PTCHD4: variants seen among roughly 807,000 people sequenced by gnomAD.
PTCHD4 encodes the protein patched domain-containing protein 4.
PTCHD4 carries 33 observed loss-of-function variants against 58.1 expected under a neutral mutation model. The observed-to-expected ratio is 0.57, with a 90% CI of 0.43 to 0.76. PTCHD4 has a LOEUF of 0.76. Among genes scored for constraint, PTCHD4 ranks in the 30% least tolerant of loss-of-function variants. PTCHD4 has a pLI of 0.00. For synonymous variants in PTCHD4, 478 were observed against 409.6 expected (o/e 1.17, Z -2.02); for missense variants, 1,058 against 1,027.1 (o/e 1.03, Z -0.41).
Position 47,868,143 on chromosome 6 carries a change from C to A in PTCHD4, c.*10160G>T, listed in dbSNP as rs1322550820. On this transcript the variant is annotated 3_prime_UTR_variant, in exon 5 of 5. Transcript: ENST00000339488. ...AGGTTTCAGTTCAGTTGTTTAGTCC[C>A]TTCTTCAACAGTTTTAGATCCGTTT... Among the ~76,000 whole-genome samples the A allele has an allele frequency of 6.6e-6, 1 of 151,654 alleles. No homozygotes were observed. Among genetic ancestry groups the A allele is most frequent in the East Asian group, 1.9e-4 (1 of 5,146 alleles).
Position 47,879,040 on chromosome 6 carries a change from T to C in PTCHD4, c.1795A>G (p.Asn599Asp), listed in dbSNP as rs554562647. 3 of 1,613,586 alleles carry C rather than the reference T, an allele frequency of 1.9e-6. No homozygotes were observed. The highest frequency in any genetic ancestry group is 2.5e-6 in the Non-Finnish European group (3 of 1,179,764). Reference sequence around the variant, plus strand: ...AGATACAAGCGAGAAGCAATGATATTGCTTTCATCCCCTGCCTTGGAGAAG... The same window carrying C: ...AGATACAAGCGAGAAGCAATGATATCGCTTTCATCCCCTGCCTTGGAGAAG... ...IIFSKAGDESNIIASRLYLVA... is the reference protein window; with the variant it reads ...IIFSKAGDESDIIASRLYLVA... The change falls in exon 5 of 5, where the codon AAT becomes GAT. Residue 599 changes from asparagine (N) to aspartate (D), a missense_variant. By Grantham distance (23) the Asn-to-Asp change is conservative. Transcript: ENST00000339488.
intron 4 of PTCHD4, among the ~76,000 whole-genome samples, chr6:47,898,744 C>G (rs1764603139): frequency 6.6e-6 from 1 of 151,756 alleles, no homozygotes; most frequent in Non-Finnish European, 1.5e-5. Flanking sequence ...CAGAGAGACA[C>G]GAATCCCTTG....
rs142124548 is a variant in PTCHD4, at chr6:47,887,987, G to A, written c.899-8051C>T. Among the ~76,000 whole-genome samples the A allele has an allele frequency of 1.2e-4, 19 of 152,236 alleles. No homozygotes were observed. The East Asian group carries it at 3.7e-3, about 29-fold the overall frequency. ...ATGTTGTTCAATGAGGGAGGGCCTC[G>A]CTTTATCTTGTCCTTAAGCAAGAAG... On this transcript the variant is annotated intron_variant, in intron 4 of 4. Transcript: ENST00000339488.
Position 47,866,551 on chromosome 6 carries a change from TC to T in PTCHD4, c.*11751del, listed in dbSNP as rs1176799671. Among the ~76,000 whole-genome samples the T allele has an allele frequency of 6.6e-6, 1 of 151,834 alleles. No individual in the cohort carries two copies. Among genetic ancestry groups the T allele is most frequent in the Non-Finnish European group, 1.5e-5 (1 of 67,866 alleles). On this transcript the variant is annotated 3_prime_UTR_variant, in exon 5 of 5. Transcript: ENST00000339488. The stretch of plus-strand genomic sequence containing the variant: ...TCCATTCTACTTCTGTGAACAGATG[TC>T]CTCCTCGTGAACCAGTTGGAAAATG...
At chr6:47,903,969 T>C (rs1234200182) in intron 4 of PTCHD4, among the ~76,000 whole-genome samples, 1 of 152,056 alleles carries the variant, frequency 6.6e-6, no homozygotes, top group Non-Finnish European at 1.5e-5. Context: ...AGGAGAAGCA[T>C]ATTCCTGATA....
intron 4 of PTCHD4, among the ~76,000 whole-genome samples, chr6:47,957,577 T>A (rs1376162479): frequency 1.3e-5 from 2 of 150,484 alleles, no homozygotes; most frequent in Non-Finnish European, 3.0e-5. Context: ...AGACAAGTTT[T>A]TTTTTTTATT....
At position 48,107,182 on chromosome 6, in the gene PTCHD4, G is replaced by A. The variant is rs1254104020; in HGVS notation, c.-970+3867C>T. 7.2e-5 allele frequency among the ~76,000 whole-genome samples: 11 copies of A among 152,216 alleles called. No homozygotes were observed. The South Asian group carries it at 8.3e-4, about 12-fold the overall frequency. ...AAAAGAACAAAGCTGGAGGCATCAT[G>A]CTACCTGACTTCAAACTATACTACA... On this transcript the variant is annotated intron_variant, in intron 1 of 4. Coordinates refer to ENST00000339488, the MANE Select transcript of PTCHD4 (RefSeq NM_001384253.1).
At chr6:47,950,315 G>A (rs764301412) in intron 4 of PTCHD4, among the ~76,000 whole-genome samples, 1 of 152,088 alleles carries the variant, frequency 6.6e-6, no homozygotes, top group African/African-American at 2.4e-5. Context: ...GAAAATATAA[G>A]CTGGGTGGGA....
At chr6:48,091,150 TATATG>T (rs1200023515) in intron 1 of PTCHD4, among the ~76,000 whole-genome samples, 1 of 152,112 alleles carries the variant, frequency 6.6e-6, no homozygotes, top group African/African-American at 2.4e-5. Flanking sequence ...CAAAAATCAT[TATATG>T]TTAGTATGCA....
At position 47,877,574 on chromosome 6, in the gene PTCHD4, C is replaced by G. The variant is rs1763881098; in HGVS notation, c.*729G>C. ...TGCATAATCTAATGAACTCACATCT[C>G]TGTTTATTTTGCTCATCCCACAGTT... On this transcript the variant is annotated 3_prime_UTR_variant, in exon 5 of 5. Transcript: ENST00000339488. Among the ~76,000 whole-genome samples the G allele has an allele frequency of 6.6e-6, 1 of 152,014 alleles. No homozygotes were observed. Among genetic ancestry groups the G allele is most frequent in the South Asian group, 2.1e-4 (1 of 4,830 alleles).
intron 1 of PTCHD4, among the ~76,000 whole-genome samples, chr6:48,097,090 T>TACC (rs1222807190): frequency 6.6e-6 from 1 of 152,106 alleles, no homozygotes; most frequent in Non-Finnish European, 1.5e-5. Context: ...ATTAACGTAT[T>TACC]ACCATAGATC....
chr6:47,895,050 G>C (rs137970428), intron 4 of PTCHD4, among the ~76,000 whole-genome samples: 4 of 152,054 alleles, frequency 2.6e-5, no homozygotes, highest in African/African-American at 9.7e-5. Context: ...CAGGAGAATC[G>C]CTTGAACCCA....
chr6:47,944,249 C>T (rs1766338021), intron 4 of PTCHD4, among the ~76,000 whole-genome samples: 2 of 152,012 alleles, frequency 1.3e-5, no homozygotes, highest in Admixed American at 6.6e-5. Context: ...TACAATTGCA[C>T]GATTAAAAAT....
In PTCHD4 at chr6:47,875,977, C is replaced by G. The variant is rs569545159; in HGVS notation, c.*2326G>C. Among the ~76,000 whole-genome samples the G allele has an allele frequency of 6.0e-4, 91 of 151,744 alleles. No homozygotes were observed. Among genetic ancestry groups the G allele is most frequent in the African/African-American group, 2.1e-3 (88 of 41,456 alleles). ...AATTAACTTTCTCAGTGATTATCTC[C>G]CATATTTTGATATGGGAGATAAAAA... On this transcript the variant is annotated 3_prime_UTR_variant, in exon 5 of 5. Transcript: ENST00000339488.
At chr6:47,967,485 C>G (rs538712048) in intron 4 of PTCHD4, among the ~76,000 whole-genome samples, 1 of 152,328 alleles carries the variant, frequency 6.6e-6, no homozygotes, top group Admixed American at 6.5e-5. Flanking sequence ...CAGCCCTTAA[C>G]ACGAGTCAGC....
intron 4 of PTCHD4, among the ~76,000 whole-genome samples, chr6:48,000,300 T>G (rs1768671394): frequency 6.6e-6 from 1 of 152,174 alleles, no homozygotes; most frequent in South Asian, 2.1e-4. Context: ...CCCGCACAAT[T>G]TTCATGATCT....
intron 4 of PTCHD4, among the ~76,000 whole-genome samples, chr6:47,923,889 G>T (rs559355886): frequency 6.6e-6 from 1 of 152,134 alleles, no homozygotes; most frequent in Non-Finnish European, 1.5e-5. Context: ...CCAGCTGGGG[G>T]CAGTGATTCC....
Position 47,873,878 on chromosome 6 carries a change from A to G in PTCHD4, c.*4425T>C, listed in dbSNP as rs1282813661. ...TGTTTGTTTTTTGTTTGTAAAGGGA[A>G]GAAAAGTGCTTCTGAGGCTCTTTTG... On this transcript the variant is annotated 3_prime_UTR_variant, in exon 5 of 5. Coordinates refer to ENST00000339488, the MANE Select transcript of PTCHD4 (RefSeq NM_001384253.1). Among the ~76,000 whole-genome samples the G allele has an allele frequency of 6.6e-6, 1 of 151,722 alleles. No homozygotes were observed. Among genetic ancestry groups the G allele is most frequent in the Non-Finnish European group, 1.5e-5 (1 of 67,774 alleles).
At chr6:47,911,594 A>G (rs1196306623) in intron 4 of PTCHD4, among the ~76,000 whole-genome samples, 1 of 152,136 alleles carries the variant, frequency 6.6e-6, no homozygotes, top group Admixed American at 6.6e-5. Flanking sequence ...TGGCAACCCC[A>G]TGGTCAGTGA....
Sources: allele counts gnomAD v4.1 joint callset (sites outside exome capture counted in the v4.1 genomes callset), GRCh38; gene constraint gnomAD v4.1.1; transcripts MANE v1.5; gene names NCBI Gene and HGNC (gene_info 2026-07-23, HGNC 2026-07-21).